The following PBX1 variants were observed in gnomAD, a reference collection of about 807,000 sequenced individuals.
PBX1 encodes pre-B-cell leukemia transcription factor 1.
In PBX1, 6 loss-of-function variants were observed where a neutral mutation model predicts 53.4. The ratio of observed to expected loss-of-function variants is 0.11; its 90% confidence interval spans 0.06 to 0.22. The LOEUF is 0.22. PBX1 is among the 10% of genes least tolerant of loss of function. PBX1 has a pLI of 1.00. For missense variants in PBX1, 251 were observed against 551.4 expected (o/e 0.46, Z 5.46); for synonymous variants, 204 against 212.3 (o/e 0.96, Z 0.34).
rs569405163 is a variant in PBX1, at chr1:164,771,950, A to T, written c.266-20544A>T. Among the ~76,000 whole-genome samples, 39 of 152,292 alleles carry T rather than the reference A, an allele frequency of 2.6e-4. 1 individual carries two copies. The highest frequency in any genetic ancestry group is 1.5e-3 in the South Asian group (7 of 4,824). On this transcript the variant is annotated intron_variant, in intron 2 of 8. Transcript: ENST00000420696. The stretch of plus-strand genomic sequence containing the variant: ...GAGGGAAGGAGAATGGAATGTAGAA[A>T]CCGAGATCTTTGTAAGGGAAGATAG...
chr1:164,688,309 A>G (rs933441631), intron 2 of PBX1, among the ~76,000 whole-genome samples: 7 of 152,216 alleles, frequency 4.6e-5, no homozygotes, highest in Non-Finnish European at 8.8e-5. Context: ...GCAAGCTCCT[A>G]TAAGTAGAGA....
chr1:164,848,117 G>C lies in PBX1; in HGVS notation c.*1441G>C, dbSNP rs1195117268. The C allele has an allele frequency of 9.5e-7, 1 of 1,051,848 alleles. No individual in the cohort carries two copies. Among genetic ancestry groups the C allele is most frequent in the East Asian group, 5.4e-5 (1 of 18,482 alleles). 65.2% of individuals were successfully genotyped at this position (1,051,848 alleles called of 1,614,324 possible). A position where few individuals can be genotyped will look rare whatever the true frequency, so the allele number is the denominator to read the frequency against. ...TTTTGCTAGCTTCATTTGAGGACCT[G>C]AGAATCATGGGGAAAGGGAAGGTAA... is the stretch of plus-strand genomic sequence containing the variant. On this transcript the variant is annotated 3_prime_UTR_variant, in exon 9 of 9. Transcript: ENST00000420696.
chr1:164,614,519 A>G (rs1013546266), intron 2 of PBX1, among the ~76,000 whole-genome samples: 2 of 152,056 alleles, frequency 1.3e-5, no homozygotes, highest in African/African-American at 4.8e-5. Context: ...CTATGTTGAC[A>G]TGTGACTTGG....
At chr1:164,740,643 G>T (rs1005529849) in intron 2 of PBX1, among the ~76,000 whole-genome samples, 11 of 151,970 alleles carry the variant, frequency 7.2e-5, no homozygotes, top group Non-Finnish European at 1.6e-4. Flanking sequence ...TAGGTGTTTG[G>T]GATACAAAGA....
intron 6 of PBX1, chr1:164,815,676 G>A (rs959628204): frequency 1.3e-5 from 2 of 152,232 alleles, no homozygotes; most frequent in Non-Finnish European, 2.9e-5. Context: ...GCCGAGTGAA[G>A]TGGGGAAGAG....
At chr1:164,728,737 G>A (rs1004093663) in intron 2 of PBX1, among the ~76,000 whole-genome samples, 5 of 152,052 alleles carry the variant, frequency 3.3e-5, no homozygotes, top group African/African-American at 1.2e-4. Flanking sequence ...TTTTATTCAG[G>A]GCCTCTGGTT....
At chr1:164,641,472 T>C (rs1659140555) in intron 2 of PBX1, 1 of 153,038 alleles carries the variant, frequency 6.5e-6, no homozygotes, top group Non-Finnish European at 1.5e-5. Flanking sequence ...CTGAAATGAC[T>C]CATCTTCCCG....
At chr1:164,776,357 T>C (rs978428891) in intron 2 of PBX1, among the ~76,000 whole-genome samples, 1 of 152,192 alleles carries the variant, frequency 6.6e-6, no homozygotes, top group African/African-American at 2.4e-5. Context: ...AAAGCTGCTC[T>C]GGAAGGGGTA....
At chr1:164,801,464 A>C (rs1669067938) in intron 4 of PBX1, among the ~76,000 whole-genome samples, 1 of 152,070 alleles carries the variant, frequency 6.6e-6, no homozygotes, top group African/African-American at 2.4e-5. Flanking sequence ...AAAAAAAAAA[A>C]AACAATTGGC....
intron 2 of PBX1, chr1:164,590,335 A>G (rs145870818): frequency 3.1e-5 from 14 of 455,914 alleles, no homozygotes; most frequent in Admixed American, 2.3e-4. Context: ...AGGAGCTACC[A>G]CAGGGCTCTC....
At chr1:164,686,742 A>C (rs1362166527) in intron 2 of PBX1, among the ~76,000 whole-genome samples, 1 of 151,966 alleles carries the variant, frequency 6.6e-6, no homozygotes, top group Non-Finnish European at 1.5e-5. Flanking sequence ...GCGGATCACG[A>C]GGTCAGGAGA....
intron 2 of PBX1, among the ~76,000 whole-genome samples, chr1:164,624,192 TAGAA>T (rs1233459404): frequency 1.3e-5 from 2 of 152,360 alleles, no homozygotes; most frequent in African/African-American, 2.4e-5. Flanking sequence ...ATATCTTTGT[TAGAA>T]ATGTTATTTT....
intron 2 of PBX1, among the ~76,000 whole-genome samples, chr1:164,729,484 G>A (rs1552558): frequency 0.27 from 41,014 of 151,830 alleles, 5,798 homozygotes; most frequent in South Asian, 0.42. Flanking sequence ...GTGTAAATAT[G>A]TATATATACA....
At chr1:164,586,310 G>A (rs1198452501) in intron 2 of PBX1, among the ~76,000 whole-genome samples, 3 of 152,218 alleles carry the variant, frequency 2.0e-5, no homozygotes, top group African/African-American at 7.2e-5. Flanking sequence ...ACGTGCTGAA[G>A]TTATCCCTGT....
At chr1:164,763,297 G>A (rs775157901) in intron 2 of PBX1, among the ~76,000 whole-genome samples, 50 of 152,260 alleles carry the variant, frequency 3.3e-4, no homozygotes, top group Admixed American at 5.9e-4. Context: ...TGTCATCCTC[G>A]TGATCTAAGT....
Position 164,788,168 on chromosome 1 carries a change from C to T in PBX1, c.266-4326C>T, listed in dbSNP as rs540141941. 4.6e-5 allele frequency among the ~76,000 whole-genome samples: 7 copies of T among 152,192 alleles called. No homozygotes were observed. In the South Asian group the frequency reaches 6.2e-4, roughly 14 times the overall value. Reference sequence around the variant, plus strand: ...TGGTTGCTGGATTAGGTAACAGCTCCGCTGGTTGAAATTGGATCTTGGAGG... The same window carrying T: ...TGGTTGCTGGATTAGGTAACAGCTCTGCTGGTTGAAATTGGATCTTGGAGG... On this transcript the variant is annotated intron_variant, in intron 2 of 8. Transcript: ENST00000420696.
In PBX1 at chr1:164,879,772, C is replaced by T. The variant is rs78653628; in HGVS notation, n.258-19416C>T. 8.1e-3 allele frequency among the ~76,000 whole-genome samples: 1,232 copies of T among 152,278 alleles called. 12 individuals are homozygous for T. The highest frequency in any genetic ancestry group is 0.037 in the South Asian group (178 of 4,820). On this transcript the variant is annotated intron_variant and non_coding_transcript_variant, in intron 2 of 2. Transcript: ENST00000558796. Reference sequence around the variant, plus strand: ...CCAGATAGATCTTTCCTATTCCAAACTTTTTCAAATCTACTTATTTTAACA... The same window carrying T: ...CCAGATAGATCTTTCCTATTCCAAATTTTTTCAAATCTACTTATTTTAACA...
downstream of PBX1, among the ~76,000 whole-genome samples, chr1:164,855,517 T>C (rs1166829427): frequency 1.3e-5 from 2 of 152,084 alleles, no homozygotes; most frequent in African/African-American, 4.8e-5. Flanking sequence ...TTGAACCATA[T>C]CCCAGTGTTG....
chr1:164,719,613 G>A (rs1048797105), intron 2 of PBX1, among the ~76,000 whole-genome samples: 3 of 152,164 alleles, frequency 2.0e-5, no homozygotes, highest in African/African-American at 7.2e-5. Flanking sequence ...AGCTCTCCAG[G>A]TGATGCTATG....
Sources: allele counts gnomAD v4.1 joint callset (sites outside exome capture counted in the v4.1 genomes callset), GRCh38; gene constraint gnomAD v4.1.1; transcripts MANE v1.5; gene names NCBI Gene and HGNC (gene_info 2026-07-23, HGNC 2026-07-21).